GPC5: variants seen among roughly 807,000 people sequenced by gnomAD.
GPC5 encodes glypican-5.
Under a neutral mutation model 53.9 loss-of-function variants are expected in GPC5, and 47 were observed. The observed-to-expected ratio is 0.87, with a 90% CI of 0.69 to 1.11. GPC5 has a LOEUF of 1.11. Among genes scored for constraint, GPC5 ranks in the 50% most tolerant of loss-of-function variants. GPC5 has a pLI of 0.00. For synonymous variants in GPC5, 286 were observed against 263.3 expected (o/e 1.09, Z -0.84); for missense variants, 748 against 713.1 (o/e 1.05, Z -0.56).
At chr13:92,575,240 TG>T (rs2139045813) in intron 7 of GPC5, among the ~76,000 whole-genome samples, 1 of 152,310 alleles carries the variant, frequency 6.6e-6, no homozygotes, top group East Asian at 1.9e-4. Context: ...ATAGGGTCTT[TG>T]CAGATGTAAT....
At position 92,199,091 on chromosome 13, in the gene GPC5, C is replaced by T. The variant is rs138627346; in HGVS notation, c.1561+54102C>T. On this transcript the variant is annotated intron_variant, in intron 7 of 7. Transcript: ENST00000377067. ...ATCAATGCTACATCAAAGGAAATTA[C>T]AGAGCGCTCAGTAGTACTAAAGCTA... Among the ~76,000 whole-genome samples, 314 of 152,334 alleles carry T rather than the reference C, an allele frequency of 2.1e-3. 1 individual carries two copies. The highest frequency in any genetic ancestry group is 7.2e-3 in the African/African-American group (300 of 41,578).
chr13:91,975,207 T>C (rs2040286958), intron 6 of GPC5, among the ~76,000 whole-genome samples: 1 of 151,986 alleles, frequency 6.6e-6, no homozygotes, highest in Admixed American at 6.6e-5. Flanking sequence ...GACATAGGCA[T>C]GGGCAAGGAC....
At chr13:91,924,725 A>G (rs2039750253) in intron 6 of GPC5, among the ~76,000 whole-genome samples, 1 of 152,114 alleles carries the variant, frequency 6.6e-6, no homozygotes, top group Admixed American at 6.6e-5. Flanking sequence ...TGGGTGACAT[A>G]GTGAGATCTT....
rs78724684 is a variant in GPC5 at position 92,591,721 on chromosome 13, C to G, written c.1562-274561C>G. 1.7e-3 allele frequency among the ~76,000 whole-genome samples: 252 copies of G among 152,170 alleles called. 1 individual carries two copies. The highest frequency in any genetic ancestry group is 6.0e-3 in the African/African-American group (247 of 41,502). On this transcript the variant is annotated intron_variant, in intron 7 of 7. Transcript: ENST00000377067. ...TCCTATCTAACTATAATTATATATC[C>G]TTCGACCAACCTTTCCTCAACTCCC...
chr13:92,609,139 G>C (rs993209682), intron 7 of GPC5, among the ~76,000 whole-genome samples: 1 of 152,034 alleles, frequency 6.6e-6, no homozygotes, highest in Non-Finnish European at 1.5e-5. Context: ...CTAGCTTATC[G>C]TTTGTATTTG....
rs546158836 is a variant in GPC5 at position 92,109,505 on chromosome 13, C to G, written c.1402-35325C>G. Among the ~76,000 whole-genome samples, 13 of 152,222 alleles carry G rather than the reference C, an allele frequency of 8.5e-5. No homozygotes were observed. The East Asian group carries it at 1.9e-3, about 23-fold the overall frequency. On this transcript the variant is annotated intron_variant, in intron 6 of 7. Coordinates refer to ENST00000377067, the MANE Select transcript of GPC5 (RefSeq NM_004466.6). ...CTCATGAATGATTTCTTCCGTTAGG[C>G]TTTTAGTGACTATCTAAAATTCTTT...
At chr13:92,279,008 C>A (rs1033157843) in intron 7 of GPC5, among the ~76,000 whole-genome samples, 1 of 151,868 alleles carries the variant, frequency 6.6e-6, no homozygotes, top group Admixed American at 6.6e-5. Context: ...CTATTAAGGG[C>A]CCCTTGTGAT....
intron 7 of GPC5, among the ~76,000 whole-genome samples, chr13:92,756,319 T>C (rs1470820025): frequency 1.3e-5 from 2 of 151,750 alleles, no homozygotes; most frequent in East Asian, 4.0e-4. Context: ...TAGGTATTGA[T>C]GGGACATATT....
At chr13:92,538,597 T>A (rs1881805168) in intron 7 of GPC5, among the ~76,000 whole-genome samples, 1 of 147,276 alleles carries the variant, frequency 6.8e-6, no homozygotes, top group Non-Finnish European at 1.5e-5. Flanking sequence ...TTTCTCCTAA[T>A]GCTATCCCTC....
intron 7 of GPC5, among the ~76,000 whole-genome samples, chr13:92,624,007 ACCATG>A (rs1205438553): frequency 6.9e-6 from 1 of 145,482 alleles, no homozygotes; most frequent in East Asian, 2.0e-4. Context: ...GGTGCCTACC[ACCATG>A]CTCGGCTAAT....
chr13:91,498,969 T>C (rs1884467068), intron 2 of GPC5, among the ~76,000 whole-genome samples: 2 of 79,332 alleles, frequency 2.5e-5, no homozygotes, highest in Admixed American at 1.8e-4. Context: ...GGAGTCTCCC[T>C]CTCAAAAAAA....
rs114405553 is a variant in GPC5, at chr13:92,819,534, T to C, written c.1562-46748T>C. Among the ~76,000 whole-genome samples the C allele has an allele frequency of 9.6e-3, 1,460 of 152,324 alleles. 25 individuals carry two copies. Among genetic ancestry groups the C allele is most frequent in the African/African-American group, 0.034 (1,408 of 41,574 alleles). On this transcript the variant is annotated intron_variant, in intron 7 of 7. Transcript: ENST00000377067. Reference sequence around the variant, plus strand: ...TTGACTAGATGAACTGTAAAACATCTTTCGGCTCTAATAGTCTGTGTATCT... The same window carrying C: ...TTGACTAGATGAACTGTAAAACATCCTTCGGCTCTAATAGTCTGTGTATCT...
chr13:91,578,024 C>T (rs933268644), intron 2 of GPC5, among the ~76,000 whole-genome samples: 1 of 152,236 alleles, frequency 6.6e-6, no homozygotes, highest in South Asian at 2.1e-4. Context: ...CAGCCTTCCT[C>T]TCTCATCTTG....
chr13:92,223,024 A>G (rs534403171), intron 7 of GPC5, among the ~76,000 whole-genome samples: 25 of 152,248 alleles, frequency 1.6e-4, no homozygotes, highest in Middle Eastern at 3.4e-3. Context: ...TATGAGGACT[A>G]TAATCCCGAA....
At chr13:92,261,776 T>C (rs1049563862) in intron 7 of GPC5, among the ~76,000 whole-genome samples, 3 of 152,046 alleles carry the variant, frequency 2.0e-5, no homozygotes, top group African/African-American at 7.2e-5. Flanking sequence ...TTAATAAAGG[T>C]TTGGAGAACA....
At chr13:91,619,481 A>G (rs1377874424) in intron 2 of GPC5, among the ~76,000 whole-genome samples, 2 of 152,150 alleles carry the variant, frequency 1.3e-5, no homozygotes, top group Non-Finnish European at 2.9e-5. Context: ...CTTTGGTCTG[A>G]CACAAGTAAG....
At chr13:92,488,893 A>G (rs1879657868) in intron 7 of GPC5, among the ~76,000 whole-genome samples, 1 of 152,236 alleles carries the variant, frequency 6.6e-6, no homozygotes, top group Non-Finnish European at 1.5e-5. Flanking sequence ...AAGGCTTGAC[A>G]ATAAAGGCAG....
At chr13:91,703,910 C>T (rs896054156) in intron 3 of GPC5, among the ~76,000 whole-genome samples, 2 of 152,116 alleles carry the variant, frequency 1.3e-5, no homozygotes, top group Non-Finnish European at 2.9e-5. Flanking sequence ...TCCATTTCTT[C>T]TAGGTTATCT....
intron 2 of GPC5, among the ~76,000 whole-genome samples, chr13:91,478,818 TATATAC>T (rs1467367824): frequency 3.6e-5 from 4 of 111,526 alleles, no homozygotes; most frequent in Non-Finnish European, 7.3e-5. Context: ...TATATATATA[TATATAC>T]ACACACACAC....
Sources: gnomAD v4.1 joint callset for allele counts (sites outside exome capture counted in the v4.1 genomes callset) on GRCh38, gnomAD v4.1.1 for gene constraint, MANE v1.5 for transcripts, NCBI Gene and HGNC (gene_info 2026-07-23, HGNC 2026-07-21) for gene names.